ZNF44: variants seen among roughly 807,000 people sequenced by gnomAD.
ZNF44 encodes the protein zinc finger protein 44.
A neutral mutation model predicts 11.7 loss-of-function variants in ZNF44; 9 were observed. The observed-to-expected ratio is 0.77, with a 90% CI of 0.46 to 1.35. The LOEUF (loss-of-function observed/expected upper bound fraction) is 1.35, where lower values mean the gene tolerates loss of function less well. ZNF44 is among the 40% of genes most tolerant of loss of function. The probability of loss-of-function intolerance (pLI) is 0.00; values close to 1 mark genes in which losing one functional copy is unlikely to be tolerated. For synonymous variants in ZNF44, 224 were observed against 242.7 expected, an observed-to-expected ratio of 0.92 and a Z score of 0.72; for missense variants, 696 against 743.1, an observed-to-expected ratio of 0.94 and a Z score of 0.74.
chr19:12,275,678 C>T (rs753765029), intron 2 of ZNF44, among the ~76,000 whole-genome samples: 5 of 152,130 alleles, frequency 3.3e-5, no homozygotes, highest in African/African-American at 4.8e-5. Flanking sequence ...CTTTCTCTAA[C>T]TTACTTTATT....
chr19:12,268,740 A>AT (rs34705958), downstream of ZNF44, among the ~76,000 whole-genome samples: 4,173 of 137,510 alleles, frequency 0.03, 56 homozygotes, highest in Admixed American at 0.036. Context: ...TGCCTGGCTA[A>AT]TTTTTTTTTT....
At chr19:12,281,698 C>G (rs1178365505) in intron 1 of ZNF44, among the ~76,000 whole-genome samples, 1 of 152,008 alleles carries the variant, frequency 6.6e-6, no homozygotes, top group Non-Finnish European at 1.5e-5. Flanking sequence ...AAAAGAGGAG[C>G]CATCACTACT....
At chr19:12,268,250 TTCA>T (rs973749411), downstream of ZNF44, among the ~76,000 whole-genome samples, 1 of 152,066 alleles carries the variant, frequency 6.6e-6, no homozygotes, top group African/African-American at 2.4e-5. Context: ...ATTTTTGCTT[TTCA>T]TCATTTTAGT....
intron 1 of ZNF44, among the ~76,000 whole-genome samples, chr19:12,279,687 T>C (rs1272187644): frequency 1.3e-5 from 2 of 151,984 alleles, no homozygotes; most frequent in African/African-American, 2.4e-5. Flanking sequence ...AGAAAATTGA[T>C]GTAGGGATAA....
At chr19:12,287,401 A>C (rs952166616) in intron 1 of ZNF44, among the ~76,000 whole-genome samples, 15 of 152,102 alleles carry the variant, frequency 9.9e-5, no homozygotes, top group Non-Finnish European at 2.1e-4. Context: ...TTTTTAGTAG[A>C]GATGGGGTTT....
intron 5 of ZNF44, among the ~76,000 whole-genome samples, chr19:12,253,734 CT>C: frequency 6.6e-6 from 1 of 152,020 alleles, no homozygotes; most frequent in Middle Eastern, 3.5e-3. Flanking sequence ...AATCCCAGCA[CT>C]TTGGGGATGC....
chr19:12,247,286 G>A (rs750558257), downstream of ZNF44: 126 of 1,226,572 alleles, frequency 1.0e-4, no homozygotes, highest in Middle Eastern at 3.2e-4. Flanking sequence ...TCTATTCAGC[G>A]TGCACTTTCT....
intron 1 of ZNF44, among the ~76,000 whole-genome samples, chr19:12,282,981 G>A (rs547545682): frequency 2.6e-4 from 39 of 152,208 alleles, no homozygotes; most frequent in Non-Finnish European, 3.7e-4. Flanking sequence ...TGACAATTCC[G>A]GTATGAATAG....
intron 5 of ZNF44, among the ~76,000 whole-genome samples, chr19:12,255,737 G>A (rs528522276): frequency 1.3e-5 from 2 of 152,190 alleles, no homozygotes; most frequent in South Asian, 4.1e-4. Flanking sequence ...CAAGAAGGGG[G>A]TGCTAAAGCC....
intron 5 of ZNF44, among the ~76,000 whole-genome samples, chr19:12,251,946 G>A (rs1222760451): frequency 1.3e-5 from 2 of 151,852 alleles, no homozygotes; most frequent in South Asian, 2.1e-4. Context: ...AGCTACTAGG[G>A]AGGCTGAGGC....
downstream of ZNF44, among the ~76,000 whole-genome samples, chr19:12,268,037 A>G (rs1917796029): frequency 6.6e-6 from 1 of 151,408 alleles, no homozygotes; most frequent in Non-Finnish European, 1.5e-5. Context: ...GGGTTTCACC[A>G]TGTTGGCCAG....
At position 12,248,935 on chromosome 19, in the gene ZNF44, C is replaced by G. The variant is rs1330855108; in HGVS notation, c.*187-257G>C. On this transcript the variant is annotated intron_variant and NMD_transcript_variant, in intron 7 of 7. Transcript: ENST00000393337. ...TTGAGACGGAGTCTCACTCTGTCACCCAGGCTACACTCTGTCGCCCAGGCT... is the reference window on the plus strand; with the variant it reads ...TTGAGACGGAGTCTCACTCTGTCACGCAGGCTACACTCTGTCGCCCAGGCT... 1.3e-5 allele frequency among the ~76,000 whole-genome samples: 2 copies of G among 151,362 alleles called. 1 individual carries two copies. Among genetic ancestry groups the G allele is most frequent in the East Asian group, 4.0e-4 (2 of 5,054 alleles).
chr19:12,248,247 T>C (rs750243723), exon 8 of ZNF44: 85 of 1,299,346 alleles, frequency 6.5e-5, no homozygotes, highest in African/African-American at 3.0e-5. Context: ...AGATTGGTGG[T>C]ATCGGAATGC....
At chr19:12,274,169 C>T (rs1046891011) in intron 3 of ZNF44, 106 bp from the exon 4 acceptor site, 2 of 985,510 alleles carry the variant, frequency 2.0e-6, no homozygotes, top group African/African-American at 1.6e-5. Context: ...CTATAAGCTT[C>T]ATGTCCTGCT....
At chr19:12,234,189 A>T (rs960245320) in intron 2 of ZNF44, among the ~76,000 whole-genome samples, 4 of 152,218 alleles carry the variant, frequency 2.6e-5, no homozygotes, top group Non-Finnish European at 1.5e-5. Flanking sequence ...AAGTAAATGC[A>T]CTGATTACTC....
chr19:12,250,344 C>A, exon 6 of ZNF44: 1 of 1,365,076 alleles, frequency 7.3e-7, no homozygotes, highest in South Asian at 1.1e-5. Flanking sequence ...AAGTTCACAG[C>A]CACATCTTCA....
exon 8 of ZNF44, chr19:12,247,806 T>G (rs1222557808): frequency 7.7e-7 from 1 of 1,300,788 alleles, no homozygotes; most frequent in Non-Finnish European, 1.0e-6. Flanking sequence ...AGTACTTTCA[T>G]GTGCTTGAAA....
At chr19:12,282,013 CCTT>C (rs202006278) in intron 1 of ZNF44, among the ~76,000 whole-genome samples, 1,862 of 152,262 alleles carry the variant, frequency 0.012, 36 homozygotes, top group African/African-American at 0.042. Context: ...AGAGGAAACA[CCTT>C]CTATTCCATT....
At chr19:12,233,283 C>T (rs1193454888) in intron 2 of ZNF44, among the ~76,000 whole-genome samples, 1 of 105,332 alleles carries the variant, frequency 9.5e-6, no homozygotes, top group Non-Finnish European at 1.9e-5. Context: ...CCAATATATA[C>T]TCTTAGTCTG....
Sources: allele counts gnomAD v4.1 joint callset (sites outside exome capture counted in the v4.1 genomes callset), GRCh38; gene constraint gnomAD v4.1.1; transcripts MANE v1.5; gene names NCBI Gene and HGNC (gene_info 2026-07-23, HGNC 2026-07-21).